Variants in ADGRB1 observed in about 807,000 individuals in gnomAD.
The protein encoded by ADGRB1 is adhesion G protein-coupled receptor B1.
A neutral mutation model predicts 175.7 loss-of-function variants in ADGRB1; 36 were observed. The ratio of observed to expected loss-of-function variants is 0.20; its 90% confidence interval spans 0.16 to 0.27. ADGRB1 has a LOEUF of 0.27. Ranked by LOEUF, ADGRB1 falls within the 10% of genes least tolerant of loss-of-function variation. The pLI is 1.00. For missense variants in ADGRB1, 1,731 were observed against 2,255.3 expected, an observed-to-expected ratio of 0.77 and a Z score of 4.71; for synonymous variants, 1,054 against 979.4, an observed-to-expected ratio of 1.08 and a Z score of -1.42.
intron 1 of ADGRB1, among the ~76,000 whole-genome samples, chr8:142,456,756 T>G (rs1839706470): frequency 6.6e-6 from 1 of 152,220 alleles, no homozygotes; most frequent in Admixed American, 6.5e-5. Flanking sequence ...CACCGCGGCC[T>G]GCCCGCCGTG....
At chr8:142,470,187 G>GCC (rs1277781382) in intron 2 of ADGRB1, among the ~76,000 whole-genome samples, 3 of 152,208 alleles carry the variant, frequency 2.0e-5, no homozygotes, top group African/African-American at 7.2e-5. Flanking sequence ...AGGCTGTCAG[G>GCC]CCCCTCTCCT....
chr8:142,520,778 G>A (rs1186381572), intron 19 of ADGRB1, 45 bp from the exon 20 acceptor site: 3 of 1,540,138 alleles, frequency 1.9e-6, no homozygotes, highest in Non-Finnish European at 2.7e-6. Flanking sequence ...CTGTGCAGAT[G>A]GGGTTCTGTT....
intron 27 of ADGRB1, 174 bp downstream of exon 27, chr8:142,539,587 C>A: frequency 1.3e-6 from 1 of 759,584 alleles, no homozygotes; most frequent in Non-Finnish European, 2.1e-6. Flanking sequence ...GCCCTGGGGG[C>A]CCAGCCTTCC....
intron 18 of ADGRB1, among the ~76,000 whole-genome samples, chr8:142,514,423 C>A (rs542850324): frequency 6.6e-6 from 1 of 152,154 alleles, no homozygotes; most frequent in African/African-American, 2.4e-5. Flanking sequence ...GTTGAGTAAC[C>A]GCTCTGAGTC....
intron 17 of ADGRB1, among the ~76,000 whole-genome samples, chr8:142,505,057 T>TGGTG (rs567858185): frequency 3.4e-4 from 4 of 11,738 alleles, no homozygotes; most frequent in Non-Finnish European, 4.5e-4. Context: ...GGCTCTGGCT[T>TGGTG]GGTGGGTGGG....
In ADGRB1 at chr8:142,473,403, G is replaced by A. The variant is rs181833319; in HGVS notation, c.785-2071G>A. 9.2e-5 allele frequency among the ~76,000 whole-genome samples: 14 copies of A among 152,380 alleles called. No individual in the cohort carries two copies. The East Asian group carries it at 2.5e-3, about 27-fold the overall frequency. On this transcript the variant is annotated intron_variant, in intron 2 of 30. Transcript: ENST00000517894. ...GCCCGGAGCACCTGGGCCCCAGACA[G>A]TCCTGGCAGGAGGCCTTAGTCTGGG... is the stretch of plus-strand genomic sequence containing the variant.
At chr8:142,469,584 T>TGCAC (rs1840519694) in intron 2 of ADGRB1, among the ~76,000 whole-genome samples, 3 of 149,056 alleles carry the variant, frequency 2.0e-5, no homozygotes, top group African/African-American at 7.7e-5. Flanking sequence ...TGTGTGCATG[T>TGCAC]GTGAATGTGT....
At position 142,475,554 on chromosome 8, in the gene ADGRB1, C is replaced by T. The variant is rs948093154; in HGVS notation, c.865C>T (p.Leu289=). Residue 289 remains leucine, a synonymous_variant, in exon 3 of 31, where the codon CTG becomes TTG. Coordinates refer to ENST00000517894, the MANE Select transcript of ADGRB1 (RefSeq NM_001702.3). ...GGLQTRTRTC[L]PAPGVEGGGC... ...CCTCCAGACGCGGACGCGCACCTGC[C>T]TGCCCGCGCCGGGCGTGGAGGGCGG... 6.2e-6 allele frequency: 8 copies of T among 1,280,120 alleles called. No individual in the cohort carries two copies. The African/African-American group carries it at 9.1e-5, about 15-fold the overall frequency. 79.3% of individuals were successfully genotyped at this position (1,280,120 alleles called of 1,614,324 possible).
Position 142,542,382 on chromosome 8 carries a change from C to T in ADGRB1, c.4148C>T (p.Ala1383Val). 2.6e-6 allele frequency: 4 copies of T among 1,567,742 alleles called. No individual in the cohort carries two copies. The highest frequency in any genetic ancestry group is 2.4e-5 in the East Asian group (1 of 41,688). The change falls in exon 28 of 31, where the codon GCC becomes GTC. Residue 1383 changes from alanine (A) to valine (V), a missense_variant. This residue lies in a region of ADGRB1 where 394 missense variants were observed against 410.2 expected (regional missense o/e 0.96). Transcript: ENST00000517894. The surrounding 1 kb of genome is among the most constrained non-coding windows in gnomAD (Gnocchi z 6.3). ...ACCCGCCTCATCCACCTCAGCACGG[C>T]CCCCGAGGCCAGCCTCCCCGCCCGC... ...PQTRLIHLSTAPEASLPARSP... is the reference protein window; with the variant it reads ...PQTRLIHLSTVPEASLPARSP...
intron 16 of ADGRB1, 74 bp from the exon 17 acceptor site, chr8:142,490,698 G>A (rs538917143): frequency 1.3e-6 from 2 of 1,490,770 alleles, no homozygotes; most frequent in South Asian, 1.2e-5. Context: ...CCTTTAGGTG[G>A]GTCCCATGGT....
chr8:142,485,742 C>T (rs538320182), intron 13 of ADGRB1, among the ~76,000 whole-genome samples: 8 of 152,370 alleles, frequency 5.3e-5, no homozygotes, highest in Admixed American at 2.0e-4. Flanking sequence ...GGCCCACACA[C>T]GCTTCAAACC....
At position 142,537,803 on chromosome 8, in the gene ADGRB1, C is replaced by T. The variant is rs1845027282; in HGVS notation, c.3666+721C>T. On this transcript the variant is annotated intron_variant, in intron 26 of 30. Coordinates refer to ENST00000517894, the MANE Select transcript of ADGRB1 (RefSeq NM_001702.3). This position sits in a 1 kb window ranked among gnomAD's most constrained non-coding sequence, Gnocchi z 4.6. ...GTTCCTACGTAAGGGCCCCCAACAG[C>T]CCCCTGTGGAGCCTCAACTCTTCCA... 6.6e-6 allele frequency among the ~76,000 whole-genome samples: 1 copy of T among 152,176 alleles called. No homozygotes were observed. Among genetic ancestry groups the T allele is most frequent in the Admixed American group, 6.5e-5 (1 of 15,278 alleles).
chr8:142,469,589 A>C (rs1183867869), intron 2 of ADGRB1, among the ~76,000 whole-genome samples: 1 of 100,462 alleles, frequency 1.0e-5, no homozygotes, highest in African/African-American at 4.1e-5. Flanking sequence ...GCATGTGTGA[A>C]TGTGTGTGTG....
intron 9 of ADGRB1, 29 bp from the exon 10 acceptor site, chr8:142,481,225 T>C: frequency 6.2e-7 from 1 of 1,603,422 alleles, no homozygotes; most frequent in Non-Finnish European, 8.5e-7. Flanking sequence ...GCAGCGGGCA[T>C]CCACCTGAGA....
At chr8:142,452,173 C>T (rs917060988) in intron 1 of ADGRB1, among the ~76,000 whole-genome samples, 3 of 152,230 alleles carry the variant, frequency 2.0e-5, no homozygotes, top group African/African-American at 7.2e-5. Flanking sequence ...CTCCTTGGCG[C>T]TGCTTTCAGA....
At chr8:142,499,460 C>T (rs936487295) in intron 17 of ADGRB1, among the ~76,000 whole-genome samples, 5 of 152,202 alleles carry the variant, frequency 3.3e-5, no homozygotes, top group Admixed American at 2.0e-4. Context: ...TACGGCCACC[C>T]GCGTGCTGGG....
In ADGRB1 at chr8:142,455,494, T is replaced by A. The variant is rs1333010055; in HGVS notation, c.-220+5390T>A. On this transcript the variant is annotated intron_variant, in intron 1 of 30. Transcript: ENST00000517894. The surrounding 1 kb of genome is among the most constrained non-coding windows in gnomAD (Gnocchi z 4.9). ...CACTTGCCTTCCTGGGAGAGGAGCA[T>A]GCGGCAGGCTGGTCCCCTGCAGCCC... Among the ~76,000 whole-genome samples the A allele has an allele frequency of 6.6e-6, 1 of 152,154 alleles. No individual in the cohort carries two copies. Among genetic ancestry groups the A allele is most frequent in the African/African-American group, 2.4e-5 (1 of 41,444 alleles).
At position 142,542,222 on chromosome 8, in the gene ADGRB1, G is replaced by A. The variant is rs750995011; in HGVS notation, c.3988G>A (p.Asp1330Asn). The change falls in exon 28 of 31, where the codon GAC (aspartate) becomes AAC (asparagine). Residue 1330 changes from aspartate (D) to asparagine (N), a missense_variant. By Grantham distance (23) the Asp-to-Asn change is conservative (BLOSUM62 1). This residue lies in a region of ADGRB1 where 394 missense variants were observed against 410.2 expected (regional missense o/e 0.96). Transcript: ENST00000517894. The surrounding 1 kb of genome is among the most constrained non-coding windows in gnomAD (Gnocchi z 6.3). ...VGDGDIFKKL[D>N]SELSRAQEKA... The stretch of plus-strand genomic sequence containing the variant: ...TGACGGGGACATCTTCAAGAAGCTG[G>A]ACTCGGAGCTGAGCCGGGCCCAGGA... 2 of 1,613,668 alleles carry A rather than the reference G, an allele frequency of 1.2e-6. No homozygotes were observed. The highest frequency in any genetic ancestry group is 2.2e-5 in the South Asian group (2 of 91,084).
rs931013972 is a variant in ADGRB1 at position 142,544,693 on chromosome 8, C to T, written c.*276C>T. 2.5e-5 allele frequency: 8 copies of T among 321,004 alleles called. No individual in the cohort carries two copies. Among genetic ancestry groups the T allele is most frequent in the Non-Finnish European group, 4.5e-5 (8 of 178,104 alleles). The allele number at this position is 321,004 out of a possible 1,614,324, so 19.9% of individuals were successfully genotyped here. On this transcript the variant is annotated 3_prime_UTR_variant, in exon 31 of 31. Coordinates refer to ENST00000517894, the MANE Select transcript of ADGRB1 (RefSeq NM_001702.3). ...GGCCGAGGCCCAGCGGGCAGATGGGCGGACGGCTGTGGACCGTGGACAGGC... is the reference window on the plus strand; with the variant it reads ...GGCCGAGGCCCAGCGGGCAGATGGGTGGACGGCTGTGGACCGTGGACAGGC...
Sources: allele counts gnomAD v4.1 joint callset (sites outside exome capture counted in the v4.1 genomes callset), GRCh38; gene constraint gnomAD v4.1.1; regional missense constraint gnomAD v4.1.1; non-coding constraint Gnocchi (gnomAD v3.1); transcripts MANE v1.5; gene names NCBI Gene and HGNC (gene_info 2026-07-23, HGNC 2026-07-21).